CUX2: variants seen among roughly 807,000 people sequenced by gnomAD.
CUX2 encodes the protein homeobox protein cut-like 2.
CUX2 carries 40 observed loss-of-function variants against 144.8 expected under a neutral mutation model. The observed-to-expected ratio is 0.28, with a 90% CI of 0.21 to 0.36. The LOEUF (loss-of-function observed/expected upper bound fraction) is 0.36, where lower values mean the gene tolerates loss of function less well. CUX2 is among the 10% of genes least tolerant of loss of function. The pLI is 1.00. For synonymous variants in CUX2, 827 were observed against 875.6 expected, an observed-to-expected ratio of 0.94 and a Z score of 0.98; for missense variants, 1,615 against 1,994.0, an observed-to-expected ratio of 0.81 and a Z score of 3.62.
chr12:111,326,345 TGG>T (rs1887811049), intron 18 of CUX2, among the ~76,000 whole-genome samples: 1 of 19,640 alleles, frequency 5.1e-5, no homozygotes. Context: ...TATAGTGTTG[TGG>T]TGGGGGAGGG....
intron 1 of CUX2, among the ~76,000 whole-genome samples, chr12:111,213,031 C>G (rs1881317903): frequency 1.3e-5 from 2 of 152,186 alleles, no homozygotes; most frequent in Admixed American, 1.3e-4. Context: ...CGGGCCTCAT[C>G]ATACATATGT....
rs541395385 is a variant in CUX2, at chr12:111,349,343, T to C, written c.*1018T>C. ...GAGTGTGGGTATTCCAGAGCAAGAC[T>C]GTGGCCACCATCTTCCCCTCTTGGT... On this transcript the variant is annotated 3_prime_UTR_variant, in exon 22 of 22. Coordinates refer to ENST00000261726, the MANE Select transcript of CUX2 (RefSeq NM_015267.4). The C allele has an allele frequency of 1.3e-5, 2 of 152,198 alleles. No homozygotes were observed. Among genetic ancestry groups the C allele is most frequent in the Non-Finnish European group, 2.9e-5 (2 of 68,054 alleles). The allele number at this position is 152,198 out of a possible 1,614,324, so 9.4% of individuals were successfully genotyped here.
chr12:111,348,417 A>G lies in CUX2; in HGVS notation c.*92A>G. ...ACAGGATGGGGTAAGGGAGGGAGGA[A>G]CTCAACCATCAAAATGTGGACAGCA... On this transcript the variant is annotated 3_prime_UTR_variant, in exon 22 of 22. Transcript: ENST00000261726. The G allele has an allele frequency of 8.4e-7, 1 of 1,194,674 alleles. No homozygotes were observed. Among genetic ancestry groups the G allele is most frequent in the East Asian group, 2.4e-5 (1 of 42,270 alleles). The allele number at this position is 1,194,674 out of a possible 1,614,324, so 74.0% of individuals were successfully genotyped here. A position where few individuals can be genotyped will look rare whatever the true frequency, so the allele number is the denominator to read the frequency against.
At chr12:111,121,352 G>A (rs939487217) in intron 1 of CUX2, among the ~76,000 whole-genome samples, 1 of 110,756 alleles carries the variant, frequency 9.0e-6, no homozygotes, top group Non-Finnish European at 2.0e-5. Flanking sequence ...CTTTCTTTTT[G>A]TTTTCTTTTC....
intron 1 of CUX2, among the ~76,000 whole-genome samples, chr12:111,131,000 T>C (rs1444241603): frequency 1.3e-5 from 2 of 152,236 alleles, no homozygotes; most frequent in Non-Finnish European, 2.9e-5. Flanking sequence ...ATTAGAAAAC[T>C]CAAGTTGTTC....
At chr12:111,328,975 C>CTCTCTCT (rs1491501890) in intron 18 of CUX2, among the ~76,000 whole-genome samples, 51 of 65,654 alleles carry the variant, frequency 7.8e-4, no homozygotes, top group African/African-American at 4.4e-3. Context: ...CTCTCTCTCT[C>CTCTCTCT]CCCCTCTCTC....
In CUX2 at chr12:111,059,866, C is replaced by T. The variant is rs1870689527; in HGVS notation, c.63+25626C>T. 6.6e-6 allele frequency among the ~76,000 whole-genome samples: 1 copy of T among 152,130 alleles called. No individual in the cohort carries two copies. Among genetic ancestry groups the T allele is most frequent in the African/African-American group, 2.4e-5 (1 of 41,426 alleles). Reference sequence around the variant, plus strand: ...CAGCTTACCCCTACCAGACTTAAGCCTGACTTCTGGGGAAGCCCCCTTCCC... The same window carrying T: ...CAGCTTACCCCTACCAGACTTAAGCTTGACTTCTGGGGAAGCCCCCTTCCC... On this transcript the variant is annotated intron_variant, in intron 1 of 21. Transcript: ENST00000261726. This position sits in a 1 kb window ranked among gnomAD's most constrained non-coding sequence, Gnocchi z 5.3.
At chr12:111,170,744 C>T (rs1592799056) in intron 1 of CUX2, among the ~76,000 whole-genome samples, 1 of 151,888 alleles carries the variant, frequency 6.6e-6, no homozygotes, top group African/African-American at 2.4e-5. Flanking sequence ...CCCCATTCTC[C>T]GACAGAAAGA....
chr12:111,112,836 G>A (rs1325985737), intron 1 of CUX2, among the ~76,000 whole-genome samples: 1 of 152,134 alleles, frequency 6.6e-6, no homozygotes, highest in African/African-American at 2.4e-5. Flanking sequence ...ACCTTGATCC[G>A]AGGCATAACT....
chr12:111,095,196 T>C (rs1169414618), intron 1 of CUX2, among the ~76,000 whole-genome samples: 1 of 152,216 alleles, frequency 6.6e-6, no homozygotes, highest in African/African-American at 2.4e-5. Context: ...CAGTGGCTCA[T>C]GCCTGTAATC....
intron 6 of CUX2, among the ~76,000 whole-genome samples, chr12:111,294,293 A>G (rs2136336502): frequency 6.6e-6 from 1 of 152,336 alleles, no homozygotes; most frequent in Middle Eastern, 3.4e-3. Context: ...TTTTTAGCAG[A>G]GACAGGATTT....
At chr12:111,120,807 C>T (rs1874608835) in intron 1 of CUX2, among the ~76,000 whole-genome samples, 1 of 151,994 alleles carries the variant, frequency 6.6e-6, no homozygotes, top group African/African-American at 2.4e-5. Flanking sequence ...ATGCGGGAAA[C>T]GTGTTTGTGC....
At position 111,084,068 on chromosome 12, in the gene CUX2, G is replaced by C. The variant is rs186124989; in HGVS notation, c.63+49828G>C. The stretch of plus-strand genomic sequence containing the variant: ...AGTAGAAGTGTACATGGGGAAGTGT[G>C]AGGGAACAGCATATGCAGAGGCATC... On this transcript the variant is annotated intron_variant, in intron 1 of 21. Coordinates refer to ENST00000261726, the MANE Select transcript of CUX2 (RefSeq NM_015267.4). 6.6e-5 allele frequency among the ~76,000 whole-genome samples: 10 copies of C among 152,292 alleles called. No individual in the cohort carries two copies. In the East Asian group the frequency reaches 9.7e-4, roughly 15 times the overall value.
chr12:111,231,067 G>A (rs150975944), intron 3 of CUX2, among the ~76,000 whole-genome samples: 18 of 152,138 alleles, frequency 1.2e-4, no homozygotes, highest in East Asian at 1.9e-4. Context: ...AAAATTTACC[G>A]TCTTAACCAT....
chr12:111,188,389 G>A (rs1404319577), intron 1 of CUX2, among the ~76,000 whole-genome samples: 1 of 152,244 alleles, frequency 6.6e-6, no homozygotes, highest in African/African-American at 2.4e-5. Flanking sequence ...TTGGGCAGGA[G>A]AGACTGCTGG....
At chr12:111,146,882 C>T (rs1876711320) in intron 1 of CUX2, among the ~76,000 whole-genome samples, 1 of 152,092 alleles carries the variant, frequency 6.6e-6, no homozygotes, top group South Asian at 2.1e-4. Flanking sequence ...ACCTGTAATC[C>T]CAGCACCTTG....
intron 18 of CUX2, among the ~76,000 whole-genome samples, chr12:111,330,727 ATATATATATATATATATATAT>A (rs1888077085): frequency 1.6e-5 from 1 of 62,200 alleles, no homozygotes; most frequent in Non-Finnish European, 3.2e-5. Flanking sequence ...ATATATATAT[ATATATATATATATATATATAT>A]ATAAAGAGAG....
chr12:111,325,658 TGG>T (rs1298848590), intron 18 of CUX2, among the ~76,000 whole-genome samples: 32 of 53,700 alleles, frequency 6.0e-4, no homozygotes, highest in Non-Finnish European at 8.6e-4. Context: ...TATAGTGTTG[TGG>T]TGGGGGAGGG....
In CUX2 at chr12:111,287,027, A is replaced by AT. The variant is rs1258593934; in HGVS notation, c.302-4391_302-4390insT. 6.6e-6 allele frequency among the ~76,000 whole-genome samples: 1 copy of AT among 152,198 alleles called. No homozygotes were observed. The highest frequency in any genetic ancestry group is 1.5e-5 in the Non-Finnish European group (1 of 68,034). On this transcript the variant is annotated intron_variant, in intron 4 of 21. Coordinates refer to ENST00000261726, the MANE Select transcript of CUX2 (RefSeq NM_015267.4). This position sits in a 1 kb window ranked among gnomAD's most constrained non-coding sequence, Gnocchi z 4.2. ...TTACACTGTACCTGCAAAGGAAGGC[A>AT]AAAAGACAGAGCTTTGAAATCTATG... is the stretch of plus-strand genomic sequence containing the variant.
Sources: gnomAD v4.1 joint callset for allele counts (sites outside exome capture counted in the v4.1 genomes callset) on GRCh38, gnomAD v4.1.1 for gene constraint, Gnocchi (gnomAD v3.1) non-coding constraint, MANE v1.5 for transcripts, NCBI Gene and HGNC (gene_info 2026-07-23, HGNC 2026-07-21) for gene names.